Variants in ANG observed in about 807,000 individuals in gnomAD.
ANG encodes the protein angiogenin, also known as Homo sapiens epididymis luminal protein 168.
For missense variants in ANG, 178 were observed against 187.4 expected, an observed-to-expected ratio of 0.95 and a Z score of 0.29; for synonymous variants, 74 against 73.8, an observed-to-expected ratio of 1.00 and a Z score of -0.02.
chr14:20,687,285 CTT>C (rs749792258), upstream of ANG, among the ~76,000 whole-genome samples: 21 of 152,162 alleles, frequency 1.4e-4, no homozygotes, highest in Non-Finnish European at 2.5e-4. Context: ...ATAAAACTGT[CTT>C]TTTGCATTGT....
intron 1 of ANG, among the ~76,000 whole-genome samples, chr14:20,693,194 G>A (rs1886890104): frequency 6.6e-6 from 1 of 152,200 alleles, no homozygotes; most frequent in Admixed American, 6.5e-5. Flanking sequence ...ACAGTCCCTG[G>A]TACCCAGTAG....
rs199849853 is a variant in ANG, at chr14:20,694,040, C to A, written c.*32C>A. 1.9e-6 allele frequency: 3 copies of A among 1,612,500 alleles called. No individual in the cohort carries two copies. The Admixed American group carries it at 5.0e-5, about 27-fold the overall frequency. On this transcript the variant is annotated 3_prime_UTR_variant, in exon 2 of 2. Transcript: ENST00000397990. Reference sequence around the variant, plus strand: ...GGCCCCTGGTCAAGTGCTGGCTCTGCTGTCCTTGCCTTCCATTTCCCCTCT... The same window carrying A: ...GGCCCCTGGTCAAGTGCTGGCTCTGATGTCCTTGCCTTCCATTTCCCCTCT...
Position 20,693,850 on chromosome 14 carries a change from A to G in ANG, c.286A>G (p.Ser96Gly). ...CCCTCACAGAGAAAACCTAAGAATAAGCAAGTCTTCTTTCCAGGTCACCAC... is the reference window on the plus strand; with the variant it reads ...CCCTCACAGAGAAAACCTAAGAATAGGCAAGTCTTCTTTCCAGGTCACCAC... ...GNPHRENLRI[S>G]KSSFQVTTCK... The change falls in exon 2 of 2, where the codon AGC becomes GGC. Residue 96 changes from serine to glycine, a missense_variant. Physicochemically the swap from Ser to Gly is moderately conservative, Grantham distance 56. Transcript: ENST00000397990. 6.2e-7 allele frequency: 1 copy of G among 1,614,226 alleles called. No homozygotes were observed. Among genetic ancestry groups the G allele is most frequent in the Non-Finnish European group, 8.5e-7 (1 of 1,180,046 alleles).
chr14:20,693,929 C>T lies in ANG; in HGVS notation c.365C>T (p.Ala122Val), dbSNP rs374766597. ...PWPPCQYRAT[A>V]GFRNVVVACE... is the part of the protein sequence containing the mutation. ...CCTCCATGCCAGTACCGAGCCACAG[C>T]GGGGTTCAGAAACGTTGTTGTTGCT... is the stretch of plus-strand genomic sequence containing the variant. The change falls in exon 2 of 2, where the codon GCG becomes GTG. Residue 122 changes from alanine to valine, a missense_variant. Transcript: ENST00000397990. 1.1e-5 allele frequency: 17 copies of T among 1,614,094 alleles called. No individual in the cohort carries two copies. The highest frequency in any genetic ancestry group is 6.7e-5 in the Admixed American group (4 of 60,018).
intron 1 of ANG, among the ~76,000 whole-genome samples, chr14:20,689,304 G>C (rs1322546194): frequency 2.6e-5 from 4 of 152,194 alleles, no homozygotes; most frequent in African/African-American, 9.6e-5. Context: ...TTCAAACAAA[G>C]TGGAACACAT....
At chr14:20,692,580 A>AT (rs1308340258) in intron 1 of ANG, among the ~76,000 whole-genome samples, 1 of 152,190 alleles carries the variant, frequency 6.6e-6, no homozygotes, top group Non-Finnish European at 1.5e-5. Flanking sequence ...CGGGATCCAG[A>AT]TTGTGCACTC....
chr14:20,690,162 C>A (rs1252977359), intron 1 of ANG, among the ~76,000 whole-genome samples: 2 of 130,356 alleles, frequency 1.5e-5, no homozygotes, highest in African/African-American at 5.9e-5. Flanking sequence ...TTGCAGTGAG[C>A]CGAGATTGCG....
At chr14:20,688,966 C>A in intron 1 of ANG, 92 bp downstream of exon 1, 1 of 628,572 alleles carries the variant, frequency 1.6e-6, no homozygotes, top group Non-Finnish European at 2.0e-6. Context: ...CCTCCAGGCT[C>A]AAGCTCATGA....
intron 1 of ANG, among the ~76,000 whole-genome samples, chr14:20,692,948 C>T (rs1016798701): frequency 5.9e-5 from 9 of 151,948 alleles, no homozygotes; most frequent in African/African-American, 9.7e-5. Flanking sequence ...CCCGGGTTCA[C>T]GCCATTCTCC....
At position 20,688,892 on chromosome 14, in the gene ANG, T is replaced by A. The variant is rs894182618; in HGVS notation, c.-19+18T>A. On this transcript the variant is annotated intron_variant, in intron 1 of 1. Transcript: ENST00000397990. ...CCTCCTGGGTAAACTATTGTTCAAT[T>A]TGTTTTATATATTATTTCTAGCCAT... 3 of 978,180 alleles carry A rather than the reference T, an allele frequency of 3.1e-6. No individual in the cohort carries two copies. The African/African-American group carries it at 5.3e-5, about 17-fold the overall frequency. 60.6% of individuals were successfully genotyped at this position (978,180 alleles called of 1,614,324 possible).
intron 1 of ANG, among the ~76,000 whole-genome samples, chr14:20,690,479 G>C (rs901903374): frequency 1.3e-5 from 2 of 152,130 alleles, no homozygotes; most frequent in African/African-American, 2.4e-5. Flanking sequence ...GGAATTTAGA[G>C]TTGAATATAT....
intron 1 of ANG, among the ~76,000 whole-genome samples, chr14:20,690,419 A>G (rs1413766710): frequency 6.6e-6 from 1 of 152,056 alleles, no homozygotes; most frequent in African/African-American, 2.4e-5. Flanking sequence ...ACCACAAACG[A>G]TCTGTCTCTT....
At chr14:20,686,474 A>G (rs1003112273), upstream of ANG, among the ~76,000 whole-genome samples, 3 of 152,234 alleles carry the variant, frequency 2.0e-5, no homozygotes, top group African/African-American at 7.2e-5. Context: ...ACCTTTCTTT[A>G]GGAGTTTTTA....
At chr14:20,685,278 A>C (rs1006774847), upstream of ANG, among the ~76,000 whole-genome samples, 2 of 152,170 alleles carry the variant, frequency 1.3e-5, no homozygotes, top group African/African-American at 4.8e-5. Flanking sequence ...TCCTACTGGA[A>C]GGTTGGGATC....
At chr14:20,689,170 G>A (rs529253038) in intron 1 of ANG, among the ~76,000 whole-genome samples, 65 of 152,304 alleles carry the variant, frequency 4.3e-4, no homozygotes, top group Admixed American at 2.2e-3. Flanking sequence ...GTCCTCCCCC[G>A]TCGTCCACCC....
intron 1 of ANG, among the ~76,000 whole-genome samples, chr14:20,691,812 T>C (rs1886765679): frequency 6.6e-6 from 1 of 152,188 alleles, no homozygotes; most frequent in Non-Finnish European, 1.5e-5. Flanking sequence ...AAATGCAAAT[T>C]AGAAAGAGAG....
upstream of ANG, chr14:20,688,595 C>T (rs1164300183): frequency 2.6e-6 from 2 of 759,828 alleles, no homozygotes; most frequent in Non-Finnish European, 3.2e-6. Context: ...CAAACTTTGT[C>T]TTCCAGAACA....
At chr14:20,685,030 G>T (rs1165768591), upstream of ANG, among the ~76,000 whole-genome samples, 1 of 152,176 alleles carries the variant, frequency 6.6e-6, no homozygotes, top group Non-Finnish European at 1.5e-5. Context: ...CCACAGAATC[G>T]CCGAACCTAA....
upstream of ANG, chr14:20,684,248 T>G (rs1886314209): frequency 6.6e-6 from 1 of 152,206 alleles, no homozygotes; most frequent in Admixed American, 6.5e-5. Flanking sequence ...AAGACCAAGT[T>G]TCATGGGTTC....
Sources: allele counts gnomAD v4.1 joint callset (sites outside exome capture counted in the v4.1 genomes callset), GRCh38; gene constraint gnomAD v4.1.1; transcripts MANE v1.5; gene names NCBI Gene and HGNC (gene_info 2026-07-23, HGNC 2026-07-21).